The following PCED1B variants were observed in gnomAD, a reference collection of about 807,000 sequenced individuals.
PCED1B encodes the protein PC-esterase domain containing 1B.
For missense variants in PCED1B, 573 were observed against 573.9 expected, an observed-to-expected ratio of 1.00 and a Z score of 0.02; for synonymous variants, 251 against 246.1, an observed-to-expected ratio of 1.02 and a Z score of -0.19.
At chr12:47,119,761 C>T (rs1379009322) in intron 2 of PCED1B, among the ~76,000 whole-genome samples, 1 of 151,624 alleles carries the variant, frequency 6.6e-6, no homozygotes, top group Non-Finnish European at 1.5e-5. Context: ...TGTGGATCAT[C>T]TGAGGTCAGC....
At chr12:47,117,932 A>C (rs185133600) in intron 2 of PCED1B, among the ~76,000 whole-genome samples, 1 of 152,092 alleles carries the variant, frequency 6.6e-6, no homozygotes, top group East Asian at 1.9e-4. Flanking sequence ...TTTGATTTGC[A>C]TTTCTCTGAT....
intron 1 of PCED1B, among the ~76,000 whole-genome samples, chr12:47,085,299 C>T (rs1166172811): frequency 6.6e-6 from 1 of 152,198 alleles, no homozygotes; most frequent in Non-Finnish European, 1.5e-5. Context: ...GTCCCGGGAA[C>T]CCTGGGTTTT....
At chr12:47,133,426 G>GATTA (rs1940215407) in intron 2 of PCED1B, among the ~76,000 whole-genome samples, 1 of 152,184 alleles carries the variant, frequency 6.6e-6, no homozygotes, top group Non-Finnish European at 1.5e-5. Context: ...AAGTAGGCAT[G>GATTA]TAATGTTCAG....
intron 1 of PCED1B, among the ~76,000 whole-genome samples, chr12:47,093,312 A>G (rs1001355669): frequency 2.0e-5 from 3 of 151,892 alleles, no homozygotes; most frequent in African/African-American, 7.2e-5. Flanking sequence ...TGATGCTTGT[A>G]TGATCTATAG....
intron 2 of PCED1B, among the ~76,000 whole-genome samples, chr12:47,170,314 A>G (rs1289537168): frequency 6.6e-6 from 1 of 152,316 alleles, no homozygotes; most frequent in East Asian, 1.9e-4. Context: ...AGACACAGTA[A>G]CAATCTGATC....
chr12:47,112,960 T>A (rs1300760140), intron 2 of PCED1B, among the ~76,000 whole-genome samples: 2 of 152,214 alleles, frequency 1.3e-5, no homozygotes, highest in Non-Finnish European at 2.9e-5. Flanking sequence ...TGGAATTTCC[T>A]TTCCTTTCCT....
At chr12:47,144,767 C>T (rs1940724003) in intron 2 of PCED1B, among the ~76,000 whole-genome samples, 1 of 152,204 alleles carries the variant, frequency 6.6e-6, no homozygotes, top group East Asian at 1.9e-4. Context: ...CAACAGCAAA[C>T]TTAATCAACA....
At chr12:47,212,031 T>C (rs528392076) in intron 2 of PCED1B, among the ~76,000 whole-genome samples, 2 of 142,672 alleles carry the variant, frequency 1.4e-5, no homozygotes, top group African/African-American at 2.6e-5. Context: ...GCCGAGATCG[T>C]GCCACTGTAC....
chr12:47,110,402 C>G (rs1939141403), intron 2 of PCED1B, among the ~76,000 whole-genome samples: 1 of 152,002 alleles, frequency 6.6e-6, no homozygotes. Context: ...TTCAGCCAAT[C>G]AATTAATTAT....
chr12:47,221,743 G>C (rs1943484931), intron 3 of PCED1B, among the ~76,000 whole-genome samples: 1 of 152,130 alleles, frequency 6.6e-6, no homozygotes, highest in South Asian at 2.1e-4. Flanking sequence ...ACTGTTCAAA[G>C]GTCACAAGAC....
At chr12:47,190,601 T>A (rs1028602127) in intron 2 of PCED1B, among the ~76,000 whole-genome samples, 1 of 152,246 alleles carries the variant, frequency 6.6e-6, no homozygotes, top group Non-Finnish European at 1.5e-5. Flanking sequence ...TTACACAGAA[T>A]CTTGATCCTT....
intron 3 of PCED1B, among the ~76,000 whole-genome samples, chr12:47,231,620 A>G (rs1015207602): frequency 6.6e-6 from 1 of 152,148 alleles, no homozygotes; most frequent in Non-Finnish European, 1.5e-5. Flanking sequence ...TTCGCTCAAA[A>G]ATATCTGTAT....
At chr12:47,154,486 G>A (rs1592211362) in intron 2 of PCED1B, among the ~76,000 whole-genome samples, 2 of 152,054 alleles carry the variant, frequency 1.3e-5, no homozygotes, top group Admixed American at 6.6e-5. Flanking sequence ...AACCTCAAGC[G>A]TTTTTGCTTT....
intron 1 of PCED1B, among the ~76,000 whole-genome samples, chr12:47,092,273 A>C (rs1938299777): frequency 6.6e-6 from 1 of 151,916 alleles, no homozygotes; most frequent in African/African-American, 2.4e-5. Flanking sequence ...ATTTATTTCT[A>C]GGTGTTTGAG....
chr12:47,211,728 C>T (rs1403737477), intron 2 of PCED1B, among the ~76,000 whole-genome samples: 2 of 149,894 alleles, frequency 1.3e-5, no homozygotes, highest in African/African-American at 2.5e-5. Context: ...GAGGCTGAGG[C>T]GGGTGGATCA....
chr12:47,130,168 T>A (rs1940064102), intron 2 of PCED1B, among the ~76,000 whole-genome samples: 1 of 152,216 alleles, frequency 6.6e-6, no homozygotes, highest in Non-Finnish European at 1.5e-5. Flanking sequence ...CTAATTTTTT[T>A]AAGTGGTAAG....
chr12:47,171,888 T>TTCTTCC (rs1565581206), intron 2 of PCED1B, among the ~76,000 whole-genome samples: 3 of 148,804 alleles, frequency 2.0e-5, no homozygotes, highest in East Asian at 1.9e-4. Flanking sequence ...TTTCTTCTTC[T>TTCTTCC]TCTTCTTCCT....
intron 3 of PCED1B, among the ~76,000 whole-genome samples, chr12:47,229,885 T>C (rs1943746438): frequency 6.6e-6 from 1 of 151,616 alleles, no homozygotes; most frequent in Admixed American, 6.6e-5. Flanking sequence ...TTCTCCTGCC[T>C]CAGCCTCCCG....
chr12:47,086,347 T>A (rs1937980367), intron 1 of PCED1B, among the ~76,000 whole-genome samples: 2 of 125,118 alleles, frequency 1.6e-5, no homozygotes, highest in Non-Finnish European at 3.2e-5. Context: ...AGTACTGTAC[T>A]ATGTGCTTAT....
Sources: allele counts gnomAD v4.1 joint callset (sites outside exome capture counted in the v4.1 genomes callset), GRCh38; gene constraint gnomAD v4.1.1; transcripts MANE v1.5; gene names NCBI Gene and HGNC (gene_info 2026-07-23, HGNC 2026-07-21).